Variants in HSD17B12 observed in about 807,000 individuals in gnomAD.
The protein encoded by HSD17B12 is very-long-chain 3-oxoacyl-CoA reductase.
Under a neutral mutation model 39.3 loss-of-function variants are expected in HSD17B12, and 32 were observed. The ratio of observed to expected loss-of-function variants is 0.81; its 90% CI spans 0.61 to 1.09. HSD17B12 has a LOEUF of 1.09. HSD17B12 is among the 50% of genes least tolerant of loss of function. HSD17B12 has a pLI of 0.00. For missense variants in HSD17B12, 342 were observed against 382.9 expected (o/e 0.89, Z 0.89); for synonymous variants, 150 against 146.7 (o/e 1.02, Z -0.16).
At chr11:43,602,364 C>A in the HSD17B12 span, among the ~76,000 whole-genome samples, 1 of 152,100 alleles carries the variant, frequency 6.6e-6, no homozygotes, top group African/African-American at 2.4e-5. Flanking sequence ...ACACAAGAAC[C>A]TTTTAGAATC....
chr11:43,798,483 G>C, intron 4 of HSD17B12, 56 bp downstream of exon 4: 1 of 1,117,228 alleles, frequency 9.0e-7, no homozygotes, highest in African/African-American at 1.6e-5. Context: ...TTGACTTTAT[G>C]ACTTTGGATG....
chr11:43,671,042 A>G, the HSD17B12 span, among the ~76,000 whole-genome samples: 14 of 151,660 alleles, frequency 9.2e-5, no homozygotes, highest in Admixed American at 9.2e-4. Context: ...GGTAAAGAAA[A>G]CCTCCTCAAA....
intron 6 of HSD17B12, among the ~76,000 whole-genome samples, chr11:43,828,829 T>C (rs191450401): frequency 6.6e-6 from 1 of 152,334 alleles, no homozygotes; most frequent in Admixed American, 6.5e-5. Flanking sequence ...AAAAATCCTA[T>C]AAAAATTTGG....
chr11:43,684,119 C>A (rs935593611), intron 1 of HSD17B12, among the ~76,000 whole-genome samples: 5 of 152,224 alleles, frequency 3.3e-5, no homozygotes, highest in African/African-American at 9.7e-5. Flanking sequence ...AAGAGCTGGG[C>A]CATCTCTTTC....
At chr11:43,565,924 G>GC in the HSD17B12 span, among the ~76,000 whole-genome samples, 1,333 of 152,290 alleles carry the variant, frequency 8.8e-3, 15 homozygotes, top group East Asian at 0.034. Context: ...AACAAGGTGT[G>GC]CCCCACTGCT....
At chr11:43,775,472 A>C (rs1464558090) in intron 3 of HSD17B12, among the ~76,000 whole-genome samples, 2 of 146,908 alleles carry the variant, frequency 1.4e-5, no homozygotes, top group Non-Finnish European at 3.0e-5. Context: ...CTTTGAACAA[A>C]TAATTTTAAG....
the HSD17B12 span, among the ~76,000 whole-genome samples, chr11:43,586,696 C>T: frequency 2.6e-5 from 4 of 152,212 alleles, no homozygotes; most frequent in Admixed American, 2.0e-4. Context: ...GTTTTAAGCT[C>T]ATGATTTACT....
intron 9 of HSD17B12, among the ~76,000 whole-genome samples, chr11:43,845,072 G>A (rs1590346144): frequency 1.3e-5 from 2 of 152,128 alleles, no homozygotes; most frequent in African/African-American, 4.8e-5. Context: ...TGGCTCACTA[G>A]AGCCTTGACC....
At chr11:43,796,022 A>G (rs1463576523) in intron 3 of HSD17B12, among the ~76,000 whole-genome samples, 2 of 152,268 alleles carry the variant, frequency 1.3e-5, no homozygotes, top group Admixed American at 6.5e-5. Flanking sequence ...CATTCCAAAC[A>G]TAGGGAATGG....
At chr11:43,686,017 G>T (rs750066291) in intron 1 of HSD17B12, among the ~76,000 whole-genome samples, 4 of 152,180 alleles carry the variant, frequency 2.6e-5, no homozygotes, top group Non-Finnish European at 4.4e-5. Context: ...AAGTTACTAA[G>T]GTGCTTAACA....
chr11:43,560,534 T>C, the HSD17B12 span, among the ~76,000 whole-genome samples: 1 of 152,226 alleles, frequency 6.6e-6, no homozygotes, highest in African/African-American at 2.4e-5. Context: ...CTCTGGGCAC[T>C]GTCTGTGTCC....
chr11:43,567,506 C>T, the HSD17B12 span, among the ~76,000 whole-genome samples: 2 of 152,206 alleles, frequency 1.3e-5, no homozygotes, highest in Non-Finnish European at 2.9e-5. Context: ...AGCCTGTGGC[C>T]TCTGGGCAGA....
At chr11:43,660,358 A>T in the HSD17B12 span, among the ~76,000 whole-genome samples, 1 of 152,236 alleles carries the variant, frequency 6.6e-6, no homozygotes, top group East Asian at 1.9e-4. Flanking sequence ...TGATTTGAAC[A>T]GTTACTTCAC....
chr11:43,740,738 C>T (rs1306168016), intron 1 of HSD17B12, among the ~76,000 whole-genome samples: 1 of 152,250 alleles, frequency 6.6e-6, no homozygotes, highest in Admixed American at 6.5e-5. Flanking sequence ...AAGTCCTTCA[C>T]AACCTTGCTT....
chr11:43,588,701 C>T, the HSD17B12 span, among the ~76,000 whole-genome samples: 4 of 150,914 alleles, frequency 2.7e-5, no homozygotes, highest in African/African-American at 9.7e-5. Flanking sequence ...ATAGCATAAG[C>T]AGCTATAGGA....
intron 3 of HSD17B12, among the ~76,000 whole-genome samples, chr11:43,763,624 T>A (rs1752569089): frequency 6.8e-6 from 1 of 148,128 alleles, no homozygotes; most frequent in Admixed American, 6.8e-5. Context: ...TATATATATA[T>A]ATCTTATCTA....
At chr11:43,596,768 A>T in the HSD17B12 span, among the ~76,000 whole-genome samples, 4 of 152,194 alleles carry the variant, frequency 2.6e-5, no homozygotes, top group Admixed American at 6.5e-5. Context: ...CTTATGAAAG[A>T]CGAAATATCT....
chr11:43,588,325 G>T, the HSD17B12 span, among the ~76,000 whole-genome samples: 1 of 152,190 alleles, frequency 6.6e-6, no homozygotes, highest in South Asian at 2.1e-4. Flanking sequence ...AAAGAGCCAG[G>T]TAGGAATCTG....
At chr11:43,634,762 G>T in the HSD17B12 span, among the ~76,000 whole-genome samples, 17 of 152,172 alleles carry the variant, frequency 1.1e-4, no homozygotes, top group Non-Finnish European at 2.4e-4. Flanking sequence ...GATGGGCTTG[G>T]AGCAGTTCAG....
Sources: gnomAD v4.1 joint callset for allele counts (sites outside exome capture counted in the v4.1 genomes callset) on GRCh38, gnomAD v4.1.1 for gene constraint, MANE v1.5 for transcripts, NCBI Gene and HGNC (gene_info 2026-07-23, HGNC 2026-07-21) for gene names.